Variants in EP300 observed in about 807,000 individuals in gnomAD.
The protein encoded by EP300 is histone acetyltransferase p300.
Under a neutral mutation model 264.0 loss-of-function variants are expected in EP300, and 31 were observed. The observed-to-expected ratio is 0.12, with a 90% CI of 0.09 to 0.16. The LOEUF (loss-of-function observed/expected upper bound fraction) is 0.16. EP300 is among the 10% of genes least tolerant of loss of function. EP300 has a pLI of 1.00. For missense variants in EP300, 2,766 were observed against 3,052.9 expected (o/e 0.91, Z 2.21); for synonymous variants, 1,340 against 1,045.4 (o/e 1.28, Z -5.44).
chr22:41,117,915 C>T, intron 2 of EP300, 94 bp downstream of exon 2: 1 of 1,574,986 alleles, frequency 6.3e-7, no homozygotes, highest in Non-Finnish European at 8.6e-7. Context: ...TAGCAGTTTC[C>T]ACTATTACAC....
chr22:41,176,249 C>T lies in EP300; in HGVS notation c.4782C>T (p.Val1594=), dbSNP rs1160464071. The T allele has an allele frequency of 3.1e-6, 5 of 1,614,052 alleles. No homozygotes were observed. The highest frequency in any genetic ancestry group is 3.4e-6 in the Non-Finnish European group (4 of 1,180,042). Residue 1594 remains valine (V), a splice_region_variant and synonymous_variant, in exon 30 of 31, where the codon GTC becomes GTT. Coordinates refer to ENST00000263253, the MANE Select transcript of EP300 (RefSeq NM_001429.4). ...AAAAGAGACTGTCTGTTTTTCAGGT[C>T]TTCTTTGTGATCCGCCTCATTGCTG... ...LYATMEKHKE[V]FFVIRLIAGP...
Position 41,141,192 on chromosome 22 carries a change from A to G in EP300, c.2023A>G (p.Met675Val), listed in dbSNP as rs1394264199. ...AGTTTCCATGAATCCAGGGCCTAAC[A>G]TGGGACAGCCGCAACCAGGAATGAC... ...VPVSMNPGPN[M>V]GQPQPGMTSN... The change falls in exon 10 of 31, where the codon ATG becomes GTG. Residue 675 changes from methionine (M) to valine (V), a missense_variant. Coordinates refer to ENST00000263253, the MANE Select transcript of EP300 (RefSeq NM_001429.4). 2 of 1,614,216 alleles carry G rather than the reference A, an allele frequency of 1.2e-6. No individual in the cohort carries two copies. Among genetic ancestry groups the G allele is most frequent in the Non-Finnish European group, 8.5e-7 (1 of 1,180,048 alleles).
At chr22:41,163,503 A>G (rs918862372) in intron 21 of EP300, among the ~76,000 whole-genome samples, 1 of 151,658 alleles carries the variant, frequency 6.6e-6, no homozygotes, top group Admixed American at 6.6e-5. Context: ...TAATCCCAGC[A>G]CTTTGGGAGG....
rs1186117620 is a variant in EP300 at position 41,127,731 on chromosome 22, C to T, written c.1151C>T (p.Ser384Leu). The T allele has an allele frequency of 6.2e-7, 1 of 1,614,198 alleles. No homozygotes were observed. Among genetic ancestry groups the T allele is most frequent in the East Asian group, 2.2e-5 (1 of 44,892 alleles). ...NVLNHMTHCQ[S>L]GKSCQVAHCA... ...CTAAACCACATGACACACTGCCAGT[C>T]AGGCAAGTCTTGCCAAGGTAAGTGG... is the stretch of plus-strand genomic sequence containing the variant. The change falls in exon 4 of 31, where the codon TCA (serine) becomes TTA (leucine). Residue 384 changes from serine to leucine, a missense_variant. Coordinates refer to ENST00000263253, the MANE Select transcript of EP300 (RefSeq NM_001429.4).
intron 6 of EP300, among the ~76,000 whole-genome samples, chr22:41,132,744 T>C (rs544043466): frequency 6.6e-6 from 1 of 152,266 alleles, no homozygotes; most frequent in East Asian, 1.9e-4. Context: ...GGAGGAATAG[T>C]GTGCCTTTTC....
rs2145707754 is a variant in EP300 at position 41,125,948 on chromosome 22, C to T, written c.814C>T (p.Leu272Phe). The T allele has an allele frequency of 6.2e-7, 1 of 1,614,186 alleles. No individual in the cohort carries two copies. Among genetic ancestry groups the T allele is most frequent in the Non-Finnish European group, 8.5e-7 (1 of 1,180,028 alleles). Residue 272 changes from leucine (L) to phenylalanine (F), a missense_variant, in exon 3 of 31, where the codon CTC (leucine) becomes TTC (phenylalanine). Coordinates refer to ENST00000263253, the MANE Select transcript of EP300 (RefSeq NM_001429.4). ...GQQIGASGLG[L>F]QIQTKTVLSN... The stretch of plus-strand genomic sequence containing the variant: ...GCAGATTGGAGCCAGTGGCCTTGGT[C>T]TCCAGATTCAGACAAAAACTGTACT...
chr22:41,167,624 A>ATATACTATATATATATATATAT (rs2059145639), intron 23 of EP300, among the ~76,000 whole-genome samples: 1 of 56,846 alleles, frequency 1.8e-5, no homozygotes, highest in Non-Finnish European at 3.7e-5. Context: ...ATATATATAT[A>ATATACTATATATATATATATAT]TATATATATA....
intron 17 of EP300, among the ~76,000 whole-genome samples, 186 bp downstream of exon 17, chr22:41,155,299 G>C (rs1227481623): frequency 6.6e-6 from 1 of 151,960 alleles, no homozygotes; most frequent in Admixed American, 6.6e-5. Context: ...CACGATCGTG[G>C]CTCACTACTG....
Position 41,179,994 on chromosome 22 carries a change from T to C in EP300, c.*1038T>C, listed in dbSNP as rs1204215586. On this transcript the variant is annotated 3_prime_UTR_variant, in exon 31 of 31. Coordinates refer to ENST00000263253, the MANE Select transcript of EP300 (RefSeq NM_001429.4). ...TCATGCAATTAAAGTTGATTACTTA[T>C]AAATATGAACTTTGGATCACTGTAT... 16 of 231,070 alleles carry C rather than the reference T, an allele frequency of 6.9e-5. No individual in the cohort carries two copies. Among genetic ancestry groups the C allele is most frequent in the South Asian group, 1.8e-4 (1 of 5,504 alleles). The allele number at this position is 231,070 out of a possible 1,614,324, so 14.3% of individuals were successfully genotyped here. A position where few individuals can be genotyped will look rare whatever the true frequency, so the allele number is the denominator to read the frequency against.
At chr22:41,142,126 T>A (rs909297375) in intron 10 of EP300, among the ~76,000 whole-genome samples, 6 of 152,196 alleles carry the variant, frequency 3.9e-5, no homozygotes, top group African/African-American at 1.4e-4. Context: ...TAGTGAAATA[T>A]GGAGCAGGCA....
At chr22:41,168,248 AT>A in intron 23 of EP300, 200 bp from the exon 24 acceptor site, 1 of 597,162 alleles carries the variant, frequency 1.7e-6, no homozygotes, top group Non-Finnish European at 3.0e-6. Context: ...TAAAATTAGA[AT>A]GATATGAAGA....
At chr22:41,124,449 A>G (rs1328540144) in intron 2 of EP300, among the ~76,000 whole-genome samples, 2 of 152,212 alleles carry the variant, frequency 1.3e-5, no homozygotes. Flanking sequence ...AAAAAAGGAC[A>G]TATTCCCAAA....
At chr22:41,113,047 A>G (rs773621341) in intron 1 of EP300, among the ~76,000 whole-genome samples, 11 of 152,118 alleles carry the variant, frequency 7.2e-5, no homozygotes, top group Non-Finnish European at 1.5e-4. Flanking sequence ...GTTATAGTCA[A>G]TAAAGTTAAT....
chr22:41,099,224 C>A (rs759284105), intron 1 of EP300, among the ~76,000 whole-genome samples: 2 of 152,010 alleles, frequency 1.3e-5, no homozygotes, highest in African/African-American at 4.8e-5. Context: ...GCACCATGCC[C>A]GGCTAATTTT....
intron 21 of EP300, among the ~76,000 whole-genome samples, chr22:41,163,381 G>A (rs1244426570): frequency 7.1e-6 from 1 of 141,380 alleles, no homozygotes; most frequent in Non-Finnish European, 1.5e-5. Context: ...CTTGCAGTGA[G>A]CCGAGATCCC....
At chr22:41,115,416 C>G (rs2145694231) in intron 1 of EP300, among the ~76,000 whole-genome samples, 1 of 152,296 alleles carries the variant, frequency 6.6e-6, no homozygotes, top group African/African-American at 2.4e-5. Flanking sequence ...CTGCATTAAT[C>G]TATACTTAGC....
At position 41,169,518 on chromosome 22, in the gene EP300, T is replaced by A. The variant is rs765022504; in HGVS notation, c.4188T>A (p.Ser1396=). 1.1e-5 allele frequency: 18 copies of A among 1,606,886 alleles called. No individual in the cohort carries two copies. The highest frequency in any genetic ancestry group is 1.7e-5 in the Admixed American group (1 of 59,994). Residue 1396 remains serine (S), a synonymous_variant, in exon 26 of 31, where the codon TCT becomes TCA. Coordinates refer to ENST00000263253, the MANE Select transcript of EP300 (RefSeq NM_001429.4). ...PPPNQRRVYI[S]YLDSVHFFRP... Reference sequence around the variant, plus strand: ...TTTTGTATAGGAGAGTATACATATCTTACCTCGATAGTGTTCATTTCTTCC... The same window carrying A: ...TTTTGTATAGGAGAGTATACATATCATACCTCGATAGTGTTCATTTCTTCC...
intron 16 of EP300, among the ~76,000 whole-genome samples, chr22:41,154,127 G>T: frequency 1.3e-5 from 2 of 152,190 alleles, no homozygotes; most frequent in Middle Eastern, 3.4e-3. Flanking sequence ...TACCATTTTT[G>T]TTCTCTCTTC....
chr22:41,117,747 C>G lies in EP300; in HGVS notation c.655C>G (p.Leu219Val). ...AGGCATGGGAAGTGCTGGCAACTTA[C>G]TGACTGAGCCTCTTCAGCAGGGCTC... ...NPGMGSAGNL[L>V]TEPLQQGSPQ... Residue 219 changes from leucine to valine, a missense_variant, in exon 2 of 31, where the codon CTG (leucine) becomes GTG (valine). Physicochemically the swap from Leu to Val is conservative, Grantham distance 32. Coordinates refer to ENST00000263253, the MANE Select transcript of EP300 (RefSeq NM_001429.4). 6.2e-7 allele frequency: 1 copy of G among 1,614,246 alleles called. No individual in the cohort carries two copies. The highest frequency in any genetic ancestry group is 1.3e-5 in the African/African-American group (1 of 75,058).
Sources: allele counts gnomAD v4.1 joint callset (sites outside exome capture counted in the v4.1 genomes callset), GRCh38; gene constraint gnomAD v4.1.1; transcripts MANE v1.5; gene names NCBI Gene and HGNC (gene_info 2026-07-23, HGNC 2026-07-21).